The following CLOCK variants were observed in gnomAD, a reference collection of about 807,000 sequenced individuals.
CLOCK encodes circadian locomoter output cycles protein kaput.
CLOCK carries 43 observed loss-of-function variants against 118.4 expected under a neutral mutation model. That is an observed-to-expected ratio of 0.36 (90% CI 0.28 to 0.47). The LOEUF (loss-of-function observed/expected upper bound fraction) is 0.47, where lower values mean the gene tolerates loss of function less well. Ranked by LOEUF, CLOCK falls within the 20% of genes least tolerant of loss-of-function variation. The pLI is 1.00. For missense variants in CLOCK, 846 were observed against 999.9 expected (o/e 0.85, Z 2.08); for synonymous variants, 326 against 339.2 (o/e 0.96, Z 0.43).
intron 21 of CLOCK, chr4:55,442,134 G>A: frequency 6.3e-6 from 2 of 315,272 alleles, no homozygotes; most frequent in Non-Finnish European, 1.2e-5. Flanking sequence ...AAAGACAAAA[G>A]CTTCACAGTG....
At chr4:55,479,547 A>G (rs1031978162) in intron 5 of CLOCK, 93 bp downstream of exon 5, 51 of 1,046,228 alleles carry the variant, frequency 4.9e-5, no homozygotes, top group Non-Finnish European at 7.3e-5. Flanking sequence ...CCTAAAGCAC[A>G]TAGCTTTTGG....
At chr4:55,444,879 T>C (rs1560417924) in intron 18 of CLOCK, 94 bp from the exon 19 acceptor site, 7 of 1,281,914 alleles carry the variant, frequency 5.5e-6, no homozygotes, top group Non-Finnish European at 7.7e-6. Context: ...ATAACATGAG[T>C]GAAGGATGAT....
intron 1 of CLOCK, among the ~76,000 whole-genome samples, chr4:55,539,408 T>C (rs1396558806): frequency 6.6e-6 from 1 of 151,656 alleles, no homozygotes; most frequent in Non-Finnish European, 1.5e-5. Context: ...ACCCCGCCTA[T>C]ACAAAAAATT....
intron 1 of CLOCK, among the ~76,000 whole-genome samples, chr4:55,512,314 C>T (rs542765034): frequency 3.9e-5 from 6 of 152,160 alleles, no homozygotes; most frequent in African/African-American, 1.4e-4. Context: ...TTTTAATTTG[C>T]ATTTCCATGA....
chr4:55,497,322 T>C (rs1057141678), intron 2 of CLOCK, among the ~76,000 whole-genome samples: 2 of 152,204 alleles, frequency 1.3e-5, no homozygotes, highest in African/African-American at 4.8e-5. Context: ...TCTTCCCTTA[T>C]TACATTAAGC....
At chr4:55,472,960 T>A (rs997836609) in intron 7 of CLOCK, among the ~76,000 whole-genome samples, 1 of 152,162 alleles carries the variant, frequency 6.6e-6, no homozygotes, top group African/African-American at 2.4e-5. Flanking sequence ...TTCGCCAGGC[T>A]TACACCTGTA....
At chr4:55,518,603 A>T (rs963383812) in intron 1 of CLOCK, among the ~76,000 whole-genome samples, 13 of 152,160 alleles carry the variant, frequency 8.5e-5, no homozygotes, top group African/African-American at 3.1e-4. Flanking sequence ...TGATTAGGTC[A>T]TGAGGGCTCC....
intron 15 of CLOCK, among the ~76,000 whole-genome samples, chr4:55,450,768 CA>C (rs34192457): frequency 0.59 from 83,372 of 142,076 alleles, 25,084 homozygotes; most frequent in South Asian, 0.8. Context: ...GACTCCATCT[CA>C]AAAAAAAAAA....
chr4:55,491,508 C>A (rs930871012), intron 2 of CLOCK, among the ~76,000 whole-genome samples: 1 of 144,974 alleles, frequency 6.9e-6, no homozygotes, highest in Admixed American at 6.9e-5. Context: ...ACTGATGTCA[C>A]AGAAATAAAA....
chr4:55,469,195 G>A (rs563973852), intron 8 of CLOCK, among the ~76,000 whole-genome samples: 204 of 150,790 alleles, frequency 1.4e-3, no homozygotes, highest in South Asian at 2.9e-3. Flanking sequence ...GCTCGATCTC[G>A]GCTCACCGCA....
intron 18 of CLOCK, among the ~76,000 whole-genome samples, chr4:55,447,911 G>A (rs1267300890): frequency 2.6e-5 from 4 of 152,108 alleles, no homozygotes; most frequent in Non-Finnish European, 4.4e-5. Context: ...TAATGTGTTT[G>A]AGGCACTGAA....
Position 55,477,926 on chromosome 4 carries a change from G to A in CLOCK, c.256+889C>T, listed in dbSNP as rs116099505. On this transcript the variant is annotated intron_variant, in intron 6 of 22. Transcript: ENST00000513440. ...GCTGTACAGATGCAGAAGAAGATGC[G>A]GTATAAGAAAAAGCTATTGCTTTAT... is the stretch of plus-strand genomic sequence containing the variant. Among the ~76,000 whole-genome samples the A allele has an allele frequency of 8.7e-3, 1,329 of 152,016 alleles. 13 individuals carry two copies. Among genetic ancestry groups the A allele is most frequent in the Non-Finnish European group, 0.012 (809 of 67,886 alleles).
At chr4:55,459,679 T>C in intron 9 of CLOCK, among the ~76,000 whole-genome samples, 1 of 152,136 alleles carries the variant, frequency 6.6e-6, no homozygotes, top group East Asian at 1.9e-4. Context: ...CTTCTTTTTT[T>C]TGAGACAGGG....
At position 55,456,247 on chromosome 4, in the gene CLOCK, T is replaced by G. The variant is rs1227337549; in HGVS notation, c.846A>C (p.Leu282Phe). 9 of 1,604,488 alleles carry G rather than the reference T, an allele frequency of 5.6e-6. No homozygotes were observed. Among genetic ancestry groups the G allele is most frequent in the Non-Finnish European group, 5.1e-6 (6 of 1,172,778 alleles). ...PNEEFTSRHS[L>F]EWKFLFLDHR... is the part of the protein sequence containing the mutation. ...GATCTAGAAACAGAAACTTCCATTC[T>G]AAACTATGTCTAGATGTAAACTCTT... The change falls in exon 12 of 23, where the codon TTA becomes TTC. Residue 282 changes from leucine (L) to phenylalanine (F), a missense_variant. Coordinates refer to ENST00000513440, the MANE Select transcript of CLOCK (RefSeq NM_004898.4).
At chr4:55,437,468 C>T (rs181387881) in intron 22 of CLOCK, among the ~76,000 whole-genome samples, 1 of 152,294 alleles carries the variant, frequency 6.6e-6, no homozygotes, top group East Asian at 1.9e-4. Flanking sequence ...TGCCTAGTGA[C>T]TTTCTTCTGT....
intron 1 of CLOCK, among the ~76,000 whole-genome samples, chr4:55,517,516 CAGA>C (rs1310864007): frequency 2.0e-5 from 3 of 152,064 alleles, no homozygotes; most frequent in Admixed American, 6.5e-5. Context: ...TCTCAAAACA[CAGA>C]AGATTATTTT....
At chr4:55,457,740 C>A (rs1465328607) in intron 11 of CLOCK, among the ~76,000 whole-genome samples, 4 of 152,136 alleles carry the variant, frequency 2.6e-5, no homozygotes, top group Non-Finnish European at 4.4e-5. Flanking sequence ...GAATGACCTG[C>A]AGCACTCTGT....
intron 11 of CLOCK, among the ~76,000 whole-genome samples, chr4:55,457,625 G>A (rs1477503373): frequency 1.3e-5 from 2 of 152,138 alleles, no homozygotes; most frequent in Non-Finnish European, 2.9e-5. Flanking sequence ...TCTGGTTTCT[G>A]ATTACTTTTC....
intron 18 of CLOCK, among the ~76,000 whole-genome samples, chr4:55,445,653 C>T (rs1422990922): frequency 1.5e-5 from 2 of 131,328 alleles, no homozygotes; most frequent in Non-Finnish European, 3.1e-5. Flanking sequence ...AGCAGTGGTG[C>T]GATCATGGCT....
Sources: gnomAD v4.1 joint callset for allele counts (sites outside exome capture counted in the v4.1 genomes callset) on GRCh38, gnomAD v4.1.1 for gene constraint, MANE v1.5 for transcripts, NCBI Gene and HGNC (gene_info 2026-07-23, HGNC 2026-07-21) for gene names.